The following BIRC6 variants were observed in gnomAD, a reference collection of about 807,000 sequenced individuals.
BIRC6 encodes dual E2 ubiquitin-conjugating enzyme/E3 ubiquitin-protein ligase BIRC6.
Under a neutral mutation model 503.3 loss-of-function variants are expected in BIRC6, and 98 were observed. The ratio of observed to expected loss-of-function variants is 0.19; its 90% CI spans 0.17 to 0.23. The LOEUF (loss-of-function observed/expected upper bound fraction) is 0.23. BIRC6 is among the 10% of genes least tolerant of loss of function. BIRC6 has a pLI of 1.00. For synonymous variants in BIRC6, 2,240 were observed against 2,078.7 expected, an observed-to-expected ratio of 1.08 and a Z score of -2.11; for missense variants, 5,360 against 5,806.0, an observed-to-expected ratio of 0.92 and a Z score of 2.50.
intron 65 of BIRC6, among the ~76,000 whole-genome samples, chr2:32,552,319 C>G (rs1368068653): frequency 6.6e-6 from 1 of 152,090 alleles, no homozygotes; most frequent in Non-Finnish European, 1.5e-5. Flanking sequence ...CCTTCAAGTT[C>G]TCATATTAAT....
At chr2:32,518,701 A>G (rs959345957) in intron 56 of BIRC6, 116 bp from the exon 57 acceptor site, 13 of 1,240,192 alleles carry the variant, frequency 1.0e-5, no homozygotes, top group Non-Finnish European at 1.3e-5. Flanking sequence ...ATCTAAATTA[A>G]TTATATCTTG....
At chr2:32,589,124 G>T (rs978194782) in intron 66 of BIRC6, among the ~76,000 whole-genome samples, 4 of 151,970 alleles carry the variant, frequency 2.6e-5, no homozygotes, top group Non-Finnish European at 5.9e-5. Flanking sequence ...GTATTTGATG[G>T]TTTCACCAAA....
chr2:32,508,236 T>C lies in BIRC6; in HGVS notation c.9957T>C (p.Ser3319=), dbSNP rs372420071. ...CAGTTAATAATCCATTCCTTCCATC[T>C]GAAGATCAGGTATCCAAAACAAGGT... ...SATVNNPFLP[S]EDQVSKTSIG... Residue 3319 remains serine (S), a synonymous_variant, in exon 51 of 74, where the codon TCT becomes TCC. Coordinates refer to ENST00000421745, the MANE Select transcript of BIRC6 (RefSeq NM_016252.4). The C allele has an allele frequency of 4.4e-6, 7 of 1,593,032 alleles. No individual in the cohort carries two copies. Among genetic ancestry groups the C allele is most frequent in the East Asian group, 2.3e-5 (1 of 43,680 alleles).
intron 46 of BIRC6, among the ~76,000 whole-genome samples, chr2:32,500,600 G>GTTTTTTTTTTTTTTTT (rs1169227018): frequency 9.7e-6 from 1 of 103,046 alleles, no homozygotes; most frequent in Non-Finnish European, 2.1e-5. Flanking sequence ...TTTTGTTTTT[G>GTTTTTTTTTTTTTTTT]TTTTTGTTTT....
At chr2:32,390,293 C>G (rs2039049236) in intron 4 of BIRC6, among the ~76,000 whole-genome samples, 1 of 152,190 alleles carries the variant, frequency 6.6e-6, no homozygotes, top group African/African-American at 2.4e-5. Context: ...GCCTCAGCCT[C>G]CCGAGTAGCT....
chr2:32,384,315 A>G (rs552139783), intron 3 of BIRC6, among the ~76,000 whole-genome samples: 3 of 152,208 alleles, frequency 2.0e-5, no homozygotes, highest in South Asian at 2.1e-4. Context: ...TTAGTAGGCC[A>G]TTGAGCTTTT....
At chr2:32,394,315 ATGT>A (rs1272804079) in intron 5 of BIRC6, among the ~76,000 whole-genome samples, 3 of 152,034 alleles carry the variant, frequency 2.0e-5, no homozygotes, top group Admixed American at 6.6e-5. Flanking sequence ...TATAACGTAA[ATGT>A]TCACAAATAT....
chr2:32,392,012 A>G, intron 4 of BIRC6, 27 bp from the exon 5 acceptor site: 1 of 1,408,072 alleles, frequency 7.1e-7, no homozygotes, highest in East Asian at 2.4e-5. Flanking sequence ...GCCTAACTTC[A>G]ATTACATAAA....
At chr2:32,585,681 AT>A (rs2060978629) in intron 66 of BIRC6, among the ~76,000 whole-genome samples, 1 of 152,102 alleles carries the variant, frequency 6.6e-6, no homozygotes, top group Non-Finnish European at 1.5e-5. Flanking sequence ...TGCCCAGCCG[AT>A]TAGTACAGTA....
At chr2:32,474,196 CT>C (rs1011739483) in intron 33 of BIRC6, among the ~76,000 whole-genome samples, 1 of 151,360 alleles carries the variant, frequency 6.6e-6, no homozygotes, top group Non-Finnish European at 1.5e-5. Flanking sequence ...ATTTATGGGG[CT>C]TTTTTTTAAA....
chr2:32,509,711 A>T (rs1558928779), intron 51 of BIRC6, 27 bp from the exon 52 acceptor site: 1 of 1,612,574 alleles, frequency 6.2e-7, no homozygotes, highest in Non-Finnish European at 8.5e-7. Context: ...ACTTATATTG[A>T]TCATACAAGT....
intron 65 of BIRC6, among the ~76,000 whole-genome samples, chr2:32,551,204 TTAAG>T (rs1171572160): frequency 1.3e-5 from 2 of 151,128 alleles, no homozygotes; most frequent in Non-Finnish European, 3.0e-5. Flanking sequence ...ACATATATAA[TTAAG>T]TAAACATAAA....
intron 66 of BIRC6, among the ~76,000 whole-genome samples, chr2:32,576,090 A>T (rs2060249562): frequency 6.6e-6 from 1 of 152,228 alleles, no homozygotes; most frequent in Non-Finnish European, 1.5e-5. Context: ...TTAACTATTT[A>T]TTAGTAGATT....
chr2:32,405,820 T>C (rs2041145840), intron 8 of BIRC6, among the ~76,000 whole-genome samples: 1 of 152,222 alleles, frequency 6.6e-6, no homozygotes, highest in Admixed American at 6.5e-5. Context: ...CTTAATGCTT[T>C]ACTACTGCAA....
chr2:32,378,917 A>G (rs1288821189), intron 2 of BIRC6: 2 of 152,210 alleles, frequency 1.3e-5, no homozygotes, highest in East Asian at 3.8e-4. Flanking sequence ...GCAGTTTGAA[A>G]GTACATTTTT....
chr2:32,389,138 A>C (rs2038889666), intron 4 of BIRC6, among the ~76,000 whole-genome samples, 195 bp downstream of exon 4: 1 of 152,212 alleles, frequency 6.6e-6, no homozygotes, highest in Non-Finnish European at 1.5e-5. Context: ...TTGAATTGCT[A>C]TTTTTAAACA....
chr2:32,576,951 C>A (rs755480293), intron 66 of BIRC6, among the ~76,000 whole-genome samples: 5 of 152,138 alleles, frequency 3.3e-5, no homozygotes, highest in South Asian at 2.1e-4. Flanking sequence ...GGTATATTTT[C>A]TTTGATAGTG....
rs35205055 is a variant in BIRC6, at chr2:32,453,836, T to A, written c.4647T>A (p.Ala1549=). The A allele has an allele frequency of 1.1e-3, 1,751 of 1,613,808 alleles. 18 individuals are homozygous for A. In the African/African-American group the frequency reaches 0.019, roughly 18 times the overall value. The part of the protein sequence containing the change: ...SGNGKVSSCT[A]AEGSFTSLTG... Reference sequence around the variant, plus strand: ...ATGGAAAGGTCAGTAGTTGCACAGCTGCTGAGGGTAGTTTCACATCTCTCA... The same window carrying A: ...ATGGAAAGGTCAGTAGTTGCACAGCAGCTGAGGGTAGTTTCACATCTCTCA... Residue 1549 remains alanine (A), a synonymous_variant, in exon 23 of 74, where the codon GCT becomes GCA. Coordinates refer to ENST00000421745, the MANE Select transcript of BIRC6 (RefSeq NM_016252.4).
At chr2:32,582,866 GTTT>G (rs1335310943) in intron 66 of BIRC6, among the ~76,000 whole-genome samples, 1 of 152,098 alleles carries the variant, frequency 6.6e-6, no homozygotes, top group Non-Finnish European at 1.5e-5. Context: ...TTATTATAGA[GTTT>G]TCACTATTAT....
Sources: allele counts gnomAD v4.1 joint callset (sites outside exome capture counted in the v4.1 genomes callset), GRCh38; gene constraint gnomAD v4.1.1; transcripts MANE v1.5; gene names NCBI Gene and HGNC (gene_info 2026-07-23, HGNC 2026-07-21).